CLVS1: variants seen among roughly 807,000 people sequenced by gnomAD.
CLVS1 encodes the protein clavesin 1, also known as clavesin-1.
A neutral mutation model predicts 33.1 loss-of-function variants in CLVS1; 10 were observed. That is an observed-to-expected ratio of 0.30 (90% CI 0.19 to 0.51). The LOEUF (loss-of-function observed/expected upper bound fraction) is 0.51, where lower values mean the gene tolerates loss of function less well. Among genes scored for constraint, CLVS1 ranks in the 20% least tolerant of loss-of-function variants. CLVS1 has a pLI of 0.97. For synonymous variants in CLVS1, 163 were observed against 166.1 expected, an observed-to-expected ratio of 0.98 and a Z score of 0.14; for missense variants, 343 against 433.4, an observed-to-expected ratio of 0.79 and a Z score of 1.85.
intron 2 of CLVS1, among the ~76,000 whole-genome samples, chr8:61,158,143 A>G (rs890788030): frequency 6.6e-6 from 1 of 152,198 alleles, no homozygotes; most frequent in African/African-American, 2.4e-5. Flanking sequence ...AAAGGAACAA[A>G]CTATTGATGT....
At chr8:60,989,405 C>T in the CLVS1 span, among the ~76,000 whole-genome samples, 1 of 152,090 alleles carries the variant, frequency 6.6e-6, no homozygotes, top group African/African-American at 2.4e-5. Context: ...GTCTTGAATT[C>T]CTGACAGGCG....
chr8:61,407,188 A>T (rs1307321078), intron 3 of CLVS1, among the ~76,000 whole-genome samples: 2 of 152,220 alleles, frequency 1.3e-5, no homozygotes, highest in African/African-American at 4.8e-5. Flanking sequence ...TTGATGCCTA[A>T]CATATGAAGA....
chr8:61,409,718 G>C (rs1411678212), intron 3 of CLVS1, among the ~76,000 whole-genome samples: 1 of 152,136 alleles, frequency 6.6e-6, no homozygotes, highest in African/African-American at 2.4e-5. Flanking sequence ...GTAAGTCCAT[G>C]GTTGGGGGGA....
rs1004041824 is a variant in CLVS1, at chr8:61,366,721, C to G, written c.456-9884C>G. Among the ~76,000 whole-genome samples, 37 of 152,148 alleles carry G rather than the reference C, an allele frequency of 2.4e-4. 1 individual carries two copies. Among genetic ancestry groups the G allele is most frequent in the Admixed American group, 2.4e-3 (37 of 15,276 alleles). ...GATTCAAAGGCAAATGCATCAAACC[C>G]CCAGCTTGGTTGGAGCTGATGGTCT... On this transcript the variant is annotated intron_variant, in intron 2 of 5. Coordinates refer to ENST00000325897, the MANE Select transcript of CLVS1 (RefSeq NM_173519.3).
At chr8:61,221,132 G>C (rs150838277) in intron 2 of CLVS1, among the ~76,000 whole-genome samples, 13 of 152,290 alleles carry the variant, frequency 8.5e-5, no homozygotes, top group African/African-American at 1.7e-4. Context: ...TCTGGAAACA[G>C]AGACAACTTG....
intron 2 of CLVS1, among the ~76,000 whole-genome samples, chr8:61,157,081 C>T (rs1806664926): frequency 1.3e-5 from 2 of 152,256 alleles, no homozygotes; most frequent in Admixed American, 6.5e-5. Context: ...TTTTCCTAAA[C>T]CTATGAGAGC....
chr8:61,226,900 T>G (rs1808341873), intron 2 of CLVS1, among the ~76,000 whole-genome samples: 1 of 152,042 alleles, frequency 6.6e-6, no homozygotes, highest in African/African-American at 2.4e-5. Context: ...TAGAAAGTAA[T>G]TTGAATGAAT....
intron 1 of CLVS1, among the ~76,000 whole-genome samples, chr8:61,099,947 A>C (rs2129286272): frequency 6.6e-6 from 1 of 152,356 alleles, no homozygotes; most frequent in African/African-American, 2.4e-5. Flanking sequence ...GACAATAAGC[A>C]CAATAGAAAT....
chr8:60,982,508 A>G, the CLVS1 span, among the ~76,000 whole-genome samples: 1 of 152,190 alleles, frequency 6.6e-6, no homozygotes, highest in South Asian at 2.1e-4. Context: ...TGTAAAGTAG[A>G]CAGCATATAA....
At chr8:61,467,256 AG>A (rs1817579286) in intron 5 of CLVS1, among the ~76,000 whole-genome samples, 1 of 152,208 alleles carries the variant, frequency 6.6e-6, no homozygotes, top group African/African-American at 2.4e-5. Context: ...TGCAACACGC[AG>A]AAGGATAAGT....
chr8:61,091,959 A>T (rs1433516799), intron 1 of CLVS1, among the ~76,000 whole-genome samples: 1 of 152,258 alleles, frequency 6.6e-6, no homozygotes, highest in Non-Finnish European at 1.5e-5. Flanking sequence ...AATGTGTGAG[A>T]TTCCAATTTT....
intron 2 of CLVS1, among the ~76,000 whole-genome samples, chr8:61,185,765 A>G (rs1219870078): frequency 6.6e-6 from 1 of 152,204 alleles, no homozygotes; most frequent in Admixed American, 6.5e-5. Context: ...GTCTTAGGCT[A>G]TTAGTAATAT....
chr8:61,228,845 A>G (rs1808379456), intron 2 of CLVS1, among the ~76,000 whole-genome samples: 1 of 152,210 alleles, frequency 6.6e-6, no homozygotes, highest in Non-Finnish European at 1.5e-5. Flanking sequence ...TAATGCCACA[A>G]CAATAGCATA....
intron 2 of CLVS1, among the ~76,000 whole-genome samples, chr8:61,136,400 T>G (rs1806191158): frequency 6.6e-6 from 1 of 152,196 alleles, no homozygotes; most frequent in Non-Finnish European, 1.5e-5. Flanking sequence ...CAAAGTGCTG[T>G]GATTTTCCAG....
intron 2 of CLVS1, among the ~76,000 whole-genome samples, chr8:61,369,286 C>A (rs1176314751): frequency 6.6e-6 from 1 of 152,184 alleles, no homozygotes; most frequent in Non-Finnish European, 1.5e-5. Context: ...TAGCACACTT[C>A]TTGAATCTCA....
intron 2 of CLVS1, among the ~76,000 whole-genome samples, chr8:61,374,007 G>A (rs1813544094): frequency 6.6e-6 from 1 of 152,214 alleles, no homozygotes; most frequent in Non-Finnish European, 1.5e-5. Context: ...CAAGAGAACA[G>A]TGGTAACATC....
At chr8:61,009,250 G>A in the CLVS1 span, among the ~76,000 whole-genome samples, 23 of 151,698 alleles carry the variant, frequency 1.5e-4, 1 homozygote, top group Non-Finnish European at 2.8e-4. Context: ...CCAGGCTCAA[G>A]CGATTCTCCC....
At chr8:61,252,088 A>G (rs2129591707) in intron 2 of CLVS1, among the ~76,000 whole-genome samples, 1 of 152,280 alleles carries the variant, frequency 6.6e-6, no homozygotes, top group Admixed American at 6.5e-5. Context: ...ACTGCTTTAA[A>G]TGTGTCCCAG....
intron 2 of CLVS1, among the ~76,000 whole-genome samples, chr8:61,335,494 C>T (rs1348034944): frequency 6.6e-6 from 1 of 152,140 alleles, no homozygotes; most frequent in Non-Finnish European, 1.5e-5. Flanking sequence ...CACCGAAGAT[C>T]ATCAAAACCA....
Sources: gnomAD v4.1 joint callset for allele counts (sites outside exome capture counted in the v4.1 genomes callset) on GRCh38, gnomAD v4.1.1 for gene constraint, MANE v1.5 for transcripts, NCBI Gene and HGNC (gene_info 2026-07-23, HGNC 2026-07-21) for gene names.